The following TYW1B variants were observed in gnomAD, a reference collection of about 807,000 sequenced individuals.
TYW1B encodes S-adenosyl-L-methionine-dependent tRNA 4-demethylwyosine synthase TYW1B.
In TYW1B, 73 loss-of-function variants were observed where a neutral mutation model predicts 86.9. The ratio of observed to expected loss-of-function variants is 0.84; its 90% CI spans 0.70 to 1.02. TYW1B has a LOEUF of 1.02. TYW1B is among the 50% of genes least tolerant of loss of function. TYW1B has a pLI of 0.00. For synonymous variants in TYW1B, 248 were observed against 292.8 expected, an observed-to-expected ratio of 0.85 and a Z score of 1.56; for missense variants, 637 against 827.4, an observed-to-expected ratio of 0.77 and a Z score of 2.82.
rs369588870 is a variant in TYW1B at position 72,816,033 on chromosome 7, A to G, written c.136-552T>C. Reference sequence around the variant, plus strand: ...CACAGACTGAGATCCTGTCTCATAAAGAAAATAACATATTAAAAAACAATA... The same window carrying G: ...CACAGACTGAGATCCTGTCTCATAAGGAAAATAACATATTAAAAAACAATA... On this transcript the variant is annotated intron_variant, in intron 2 of 13. Coordinates refer to ENST00000620995, the MANE Select transcript of TYW1B (RefSeq NM_001145440.3). 7.2e-4 allele frequency among the ~76,000 whole-genome samples: 109 copies of G among 151,998 alleles called. 4 individuals are homozygous for G. In the South Asian group the frequency reaches 0.017, roughly 23 times the overall value.
At chr7:72,608,626 G>A (rs1475963945) in intron 13 of TYW1B, among the ~76,000 whole-genome samples, 2 of 152,184 alleles carry the variant, frequency 1.3e-5, no homozygotes, top group Non-Finnish European at 2.9e-5. Flanking sequence ...ACTGTATGTT[G>A]CCTATAAGAA....
At chr7:72,810,701 A>G (rs1337736285) in intron 3 of TYW1B, 36 bp from the exon 4 acceptor site, 2 of 1,564,182 alleles carry the variant, frequency 1.3e-6, no homozygotes, top group East Asian at 2.3e-5. Context: ...TGGAACATAC[A>G]AGGCATAAAT....
intron 7 of TYW1B, among the ~76,000 whole-genome samples, chr7:72,766,613 C>A (rs1315262220): frequency 5.2e-3 from 429 of 82,764 alleles, no homozygotes; most frequent in African/African-American, 5.6e-3. Flanking sequence ...GATTCAGTCT[C>A]AAAAAAAAAA....
intron 7 of TYW1B, among the ~76,000 whole-genome samples, chr7:72,765,609 G>C (rs1787757190): frequency 6.6e-6 from 1 of 152,048 alleles, no homozygotes; most frequent in African/African-American, 2.4e-5. Context: ...GAGACTACAG[G>C]CACACACCAC....
chr7:72,724,720 G>A (rs1222853619), intron 9 of TYW1B, among the ~76,000 whole-genome samples: 6 of 152,074 alleles, frequency 3.9e-5, no homozygotes, highest in African/African-American at 9.7e-5. Context: ...ATGGTAACAT[G>A]TTATCAAGTC....
intron 13 of TYW1B, among the ~76,000 whole-genome samples, chr7:72,591,948 C>T (rs1475216067): frequency 6.6e-6 from 1 of 151,566 alleles, no homozygotes; most frequent in East Asian, 1.9e-4. Context: ...CTCAGCCTCC[C>T]GAGTAGCTGG....
intron 6 of TYW1B, among the ~76,000 whole-genome samples, chr7:72,789,641 T>C (rs1279283300): frequency 6.6e-6 from 1 of 152,110 alleles, no homozygotes; most frequent in Non-Finnish European, 1.5e-5. Context: ...ACAGTATTTT[T>C]TTAATTTTTT....
chr7:72,720,314 G>T (rs1432016216), intron 9 of TYW1B, among the ~76,000 whole-genome samples: 7 of 152,138 alleles, frequency 4.6e-5, no homozygotes, highest in African/African-American at 1.7e-4. Flanking sequence ...TCACAGTTCT[G>T]GGGAGAGGAA....
chr7:72,580,065 G>C (rs782162603), intron 13 of TYW1B, among the ~76,000 whole-genome samples: 10 of 152,208 alleles, frequency 6.6e-5, no homozygotes, highest in African/African-American at 1.4e-4. Flanking sequence ...AGCCACACTG[G>C]GAATTAGGAC....
At chr7:72,716,068 C>T (rs1458108295) in intron 9 of TYW1B, among the ~76,000 whole-genome samples, 1 of 152,162 alleles carries the variant, frequency 6.6e-6, no homozygotes, top group Non-Finnish European at 1.5e-5. Flanking sequence ...GTAGCTGGGA[C>T]TACACCGGGC....
In TYW1B at chr7:72,744,542, G is replaced by A. The variant is rs782144257; in HGVS notation, c.1024C>T (p.Arg342Cys). The A allele has an allele frequency of 3.3e-5, 50 of 1,517,620 alleles. 1 individual carries two copies. Among genetic ancestry groups the A allele is most frequent in the Admixed American group, 2.0e-4 (10 of 50,190 alleles). 94.0% of individuals were successfully genotyped at this position (1,517,620 alleles called of 1,614,324 possible). Residue 342 changes from arginine to cysteine, a missense_variant, in exon 8 of 14, where the codon CGC (arginine) becomes TGC (cysteine). By Grantham distance (180) the Arg-to-Cys change is radical. Transcript: ENST00000620995. Reference sequence around the variant, plus strand: ...AAGCTCGGGGTGGTTTCCATGCAGCGATGGCTCTCATTCCATAGAATGTGT... The same window carrying A: ...AAGCTCGGGGTGGTTTCCATGCAGCAATGGCTCTCATTCCATAGAATGTGT... ...QTHILWNESHRCMETTPSLAC... is the reference protein window; with the variant it reads ...QTHILWNESHCCMETTPSLAC...
At chr7:72,806,589 C>CCT (rs1233756109) in intron 5 of TYW1B, among the ~76,000 whole-genome samples, 13 of 150,238 alleles carry the variant, frequency 8.7e-5, no homozygotes, top group East Asian at 7.9e-4. Flanking sequence ...ATTCCTAAGG[C>CCT]CTCTCTCTCT....
intron 13 of TYW1B, among the ~76,000 whole-genome samples, chr7:72,613,750 GAGT>G (rs376998138): frequency 6.5e-4 from 99 of 152,064 alleles, no homozygotes; most frequent in African/African-American, 2.4e-3. Context: ...GACTCCTATA[GAGT>G]AGATCCTGAA....
chr7:72,813,122 C>G (rs1788652797), intron 3 of TYW1B, among the ~76,000 whole-genome samples: 1 of 151,844 alleles, frequency 6.6e-6, no homozygotes, highest in Admixed American at 6.6e-5. Flanking sequence ...GAAGATACTA[C>G]CTGGCCCTTT....
chr7:72,619,563 C>T (rs1360753834), intron 12 of TYW1B, among the ~76,000 whole-genome samples: 2 of 151,158 alleles, frequency 1.3e-5, no homozygotes, highest in Non-Finnish European at 2.9e-5. Flanking sequence ...ATGGCGTGAA[C>T]CCGGGAAGCG....
At chr7:72,584,246 T>C (rs1324209056) in intron 13 of TYW1B, among the ~76,000 whole-genome samples, 1 of 152,202 alleles carries the variant, frequency 6.6e-6, no homozygotes, top group African/African-American at 2.4e-5. Flanking sequence ...AGTCTTGCTA[T>C]GCAGCCCAGG....
At chr7:72,819,587 C>G (rs540045733) in intron 2 of TYW1B, among the ~76,000 whole-genome samples, 2 of 152,140 alleles carry the variant, frequency 1.3e-5, no homozygotes, top group African/African-American at 4.8e-5. Context: ...CACACGCCAC[C>G]ATGCCTGACT....
intron 7 of TYW1B, among the ~76,000 whole-genome samples, chr7:72,768,103 AC>A (rs1186158759): frequency 6.6e-6 from 1 of 151,958 alleles, no homozygotes; most frequent in Non-Finnish European, 1.5e-5. Context: ...TACAAAAAAA[AC>A]TTTTGCCAGG....
At chr7:72,739,524 T>C (rs1336960501) in intron 8 of TYW1B, among the ~76,000 whole-genome samples, 2 of 150,018 alleles carry the variant, frequency 1.3e-5, no homozygotes, top group African/African-American at 4.9e-5. Context: ...GAGAATGGCG[T>C]GAACCCGGGA....
Sources: allele counts gnomAD v4.1 joint callset (sites outside exome capture counted in the v4.1 genomes callset), GRCh38; gene constraint gnomAD v4.1.1; transcripts MANE v1.5; gene names NCBI Gene and HGNC (gene_info 2026-07-23, HGNC 2026-07-21).